BCAS3: variants seen among roughly 807,000 people sequenced by gnomAD.
BCAS3 encodes BCAS3 microtubule associated cell migration factor, also known as BCAS4/BCAS3 fusion.
BCAS3 carries 53 observed loss-of-function variants against 116.1 expected under a neutral mutation model. The observed-to-expected ratio is 0.46, with a 90% CI of 0.37 to 0.57. The LOEUF (loss-of-function observed/expected upper bound fraction) is 0.57, where lower values mean the gene tolerates loss of function less well. Among genes scored for constraint, BCAS3 ranks in the 20% least tolerant of loss-of-function variants. The pLI is 0.00. For missense variants in BCAS3, 917 were observed against 1,165.4 expected, an observed-to-expected ratio of 0.79 and a Z score of 3.10; for synonymous variants, 391 against 408.2, an observed-to-expected ratio of 0.96 and a Z score of 0.51.
chr17:60,861,430 C>A (rs541792847), intron 7 of BCAS3, among the ~76,000 whole-genome samples: 3 of 152,282 alleles, frequency 2.0e-5, no homozygotes, highest in African/African-American at 7.2e-5. Flanking sequence ...ATCATATCAT[C>A]TGGGACTAGA....
rs192633300 is a variant in BCAS3 at position 61,178,238 on chromosome 17, A to G, written c.2425+93674A>G. 1.1e-4 allele frequency among the ~76,000 whole-genome samples: 17 copies of G among 152,210 alleles called. No individual in the cohort carries two copies. The East Asian group carries it at 3.3e-3, about 29-fold the overall frequency. ...AAGTCTTTTATCCTTTTATTAGTTT[A>G]GTACTTTAAACCTTAGACATAAAAA... On this transcript the variant is annotated intron_variant, in intron 22 of 23. Coordinates refer to ENST00000407086, the MANE Select transcript of BCAS3 (RefSeq NM_017679.5).
At chr17:61,280,259 A>C (rs985894899) in intron 22 of BCAS3, among the ~76,000 whole-genome samples, 1 of 152,244 alleles carries the variant, frequency 6.6e-6, no homozygotes, top group African/African-American at 2.4e-5. Flanking sequence ...TGAATGAAGA[A>C]AGACATTACA....
intron 22 of BCAS3, among the ~76,000 whole-genome samples, chr17:61,112,866 A>G (rs923169101): frequency 2.6e-5 from 4 of 151,716 alleles, no homozygotes; most frequent in African/African-American, 9.7e-5. Context: ...ATGTAAAAGA[A>G]CAGAGATTAT....
At chr17:60,959,866 C>G (rs183084274) in intron 14 of BCAS3, among the ~76,000 whole-genome samples, 3 of 152,304 alleles carry the variant, frequency 2.0e-5, no homozygotes, top group Non-Finnish European at 1.5e-5. Flanking sequence ...CCCTTTCTAG[C>G]CTTTGATGGC....
chr17:61,299,858 A>G (rs1007027295), intron 22 of BCAS3, among the ~76,000 whole-genome samples: 1 of 152,184 alleles, frequency 6.6e-6, no homozygotes, highest in Non-Finnish European at 1.5e-5. Context: ...TGTATTTTCT[A>G]CTTTCCTGAA....
At chr17:60,947,152 C>A in intron 13 of BCAS3, 67 bp from the exon 14 acceptor site, 1 of 1,438,836 alleles carries the variant, frequency 7.0e-7, no homozygotes, top group South Asian at 1.3e-5. Flanking sequence ...TTGTGAATAG[C>A]TTTTTAGAAT....
intron 16 of BCAS3, among the ~76,000 whole-genome samples, chr17:61,025,759 ACTTT>A (rs2066198880): frequency 6.6e-6 from 1 of 151,608 alleles, no homozygotes; most frequent in Non-Finnish European, 1.5e-5. Flanking sequence ...CTTCTACCTC[ACTTT>A]CTTCTAGTTA....
intron 19 of BCAS3, among the ~76,000 whole-genome samples, chr17:61,067,765 A>C (rs2070880215): frequency 6.6e-6 from 1 of 150,440 alleles, no homozygotes; most frequent in African/African-American, 2.4e-5. Flanking sequence ...ATAGAAACAC[A>C]CACATGTATA....
rs1363242602 is a variant in BCAS3 at position 61,241,920 on chromosome 17, G to A, written c.2426-126407G>A. ...TGTTTGTTTGTTGTTTACTAAAGAG[G>A]AATCATTTCTCAGTGTTAAGTATAT... is the stretch of plus-strand genomic sequence containing the variant. On this transcript the variant is annotated intron_variant, in intron 22 of 23. Coordinates refer to ENST00000407086, the MANE Select transcript of BCAS3 (RefSeq NM_017679.5). The surrounding 1 kb of genome is among the most constrained non-coding windows in gnomAD (Gnocchi z 4.6). Among the ~76,000 whole-genome samples, 1 of 152,070 alleles carries A rather than the reference G, an allele frequency of 6.6e-6. No homozygotes were observed. The highest frequency in any genetic ancestry group is 2.4e-5 in the African/African-American group (1 of 41,398).
intron 22 of BCAS3, among the ~76,000 whole-genome samples, chr17:61,319,329 C>G (rs569556765): frequency 6.6e-6 from 1 of 152,256 alleles, no homozygotes; most frequent in Admixed American, 6.5e-5. Context: ...ATATGACACC[C>G]CCTACATTAA....
chr17:61,085,716 C>T (rs1460130773), intron 22 of BCAS3, among the ~76,000 whole-genome samples: 2 of 152,122 alleles, frequency 1.3e-5, no homozygotes, highest in Admixed American at 1.3e-4. Context: ...TGGAAATGAG[C>T]ATGGAAATGT....
chr17:61,318,694 A>G (rs2054943152), intron 22 of BCAS3, among the ~76,000 whole-genome samples: 1 of 152,204 alleles, frequency 6.6e-6, no homozygotes, highest in African/African-American at 2.4e-5. Context: ...ATTTCCAGCC[A>G]GAGTTGTCCA....
At position 61,214,320 on chromosome 17, in the gene BCAS3, T is replaced by G. The variant is rs1360042215; in HGVS notation, c.2425+129756T>G. Among the ~76,000 whole-genome samples, 1 of 151,852 alleles carries G rather than the reference T, an allele frequency of 6.6e-6. No homozygotes were observed. The highest frequency in any genetic ancestry group is 1.5e-5 in the Non-Finnish European group (1 of 67,970). ...AGGTGGAGGTTGCGGTGAGCTGAGA[T>G]CATGCCATTGCACTCCAGCCTCGGC... On this transcript the variant is annotated intron_variant, in intron 22 of 23. Transcript: ENST00000407086. This position sits in a 1 kb window ranked among gnomAD's most constrained non-coding sequence, Gnocchi z 4.4.
chr17:61,331,195 G>A (rs2056256654), intron 22 of BCAS3, among the ~76,000 whole-genome samples: 1 of 152,206 alleles, frequency 6.6e-6, no homozygotes, highest in Non-Finnish European at 1.5e-5. Context: ...CAGGGGTAGG[G>A]GATGGAGAAG....
In BCAS3 at chr17:61,384,758, T is replaced by A. The variant is rs182728221; in HGVS notation, c.2594-7219T>A. On this transcript the variant is annotated intron_variant, in intron 23 of 23. Transcript: ENST00000407086. ...CTGCCAGGGGAGAAAGGGGACTCCT[T>A]TCTCAGTCCCTGCTAGCCCCAGCAC... 6.2e-3 allele frequency: 937 copies of A among 152,346 alleles called. 6 individuals are homozygous for A. The highest frequency in any genetic ancestry group is 8.9e-3 in the Non-Finnish European group (603 of 68,064). The allele number at this position is 152,346 out of a possible 1,614,324, so 9.4% of individuals were successfully genotyped here.
chr17:60,947,018 C>T (rs143719623), intron 13 of BCAS3, among the ~76,000 whole-genome samples: 1 of 152,048 alleles, frequency 6.6e-6, no homozygotes, highest in African/African-American at 2.4e-5. Context: ...AGTGTTTATA[C>T]CTTGCTGATA....
At chr17:60,926,195 A>G (rs545233936) in intron 13 of BCAS3, among the ~76,000 whole-genome samples, 1 of 152,302 alleles carries the variant, frequency 6.6e-6, no homozygotes, top group East Asian at 1.9e-4. Context: ...CTGTATTTTA[A>G]AAATACTTTG....
At chr17:61,266,064 T>G (rs1236770263) in intron 22 of BCAS3, among the ~76,000 whole-genome samples, 1 of 152,244 alleles carries the variant, frequency 6.6e-6, no homozygotes, top group Non-Finnish European at 1.5e-5. Context: ...GGTCAGTTAT[T>G]CCAAGGGGGA....
At position 61,008,169 on chromosome 17, in the gene BCAS3, C is replaced by G. The variant is rs920703662; in HGVS notation, c.1487-7582C>G. 1.3e-5 allele frequency among the ~76,000 whole-genome samples: 2 copies of G among 152,060 alleles called. No individual in the cohort carries two copies. Among genetic ancestry groups the G allele is most frequent in the East Asian group, 1.9e-4 (1 of 5,186 alleles). On this transcript the variant is annotated intron_variant, in intron 15 of 23. Coordinates refer to ENST00000407086, the MANE Select transcript of BCAS3 (RefSeq NM_017679.5). This position sits in a 1 kb window ranked among gnomAD's most constrained non-coding sequence, Gnocchi z 4.6. ...GTGGGTCAGAAGGCACTGTTTCTCA[C>G]CAGGGTGCTGCTGTTTCCTTTTCCG...
Sources: gnomAD v4.1 joint callset for allele counts (sites outside exome capture counted in the v4.1 genomes callset) on GRCh38, gnomAD v4.1.1 for gene constraint, Gnocchi (gnomAD v3.1) non-coding constraint, MANE v1.5 for transcripts, NCBI Gene and HGNC (gene_info 2026-07-23, HGNC 2026-07-21) for gene names.